VWC2L: variants seen among roughly 807,000 people sequenced by gnomAD.
The protein encoded by VWC2L is von Willebrand factor C domain-containing protein 2-like.
In VWC2L, 10 loss-of-function variants were observed where a neutral mutation model predicts 21.6. The ratio of observed to expected loss-of-function variants is 0.46; its 90% CI spans 0.29 to 0.78. The LOEUF (loss-of-function observed/expected upper bound fraction) is 0.78. Among genes scored for constraint, VWC2L ranks in the 30% least tolerant of loss-of-function variants. VWC2L has a pLI of 0.10. For missense variants in VWC2L, 209 were observed against 277.1 expected (o/e 0.75, Z 1.74); for synonymous variants, 96 against 94.3 (o/e 1.02, Z -0.10).
At chr2:214,503,160 T>G (rs1425876640) in intron 3 of VWC2L, among the ~76,000 whole-genome samples, 1 of 152,186 alleles carries the variant, frequency 6.6e-6, no homozygotes, top group East Asian at 1.9e-4. Flanking sequence ...AGCAAGAGTT[T>G]TGACCTAGAT....
At chr2:214,557,558 T>A (rs10932545) in intron 3 of VWC2L, among the ~76,000 whole-genome samples, 111,129 of 151,980 alleles carry the variant, frequency 0.73, 41,179 homozygotes, top group East Asian at 0.83. Flanking sequence ...AGTCTTCCTC[T>A]TGGGACTGTC....
rs552012065 is a variant in VWC2L, at chr2:214,531,173, G to T, written c.521-44499G>T. 2.6e-5 allele frequency among the ~76,000 whole-genome samples: 4 copies of T among 152,262 alleles called. No individual in the cohort carries two copies. In the East Asian group the frequency reaches 5.8e-4, roughly 22 times the overall value. ...TCCAACCAACATTTTTACAAATTTT[G>T]AGTTGAGTTGGGAATCACAGGAAAC... On this transcript the variant is annotated intron_variant, in intron 3 of 3. Coordinates refer to ENST00000312504, the MANE Select transcript of VWC2L (RefSeq NM_001080500.4).
chr2:214,499,024 T>C lies in VWC2L; in HGVS notation c.520+62266T>C, dbSNP rs867234852. ...TCGTACCATTCTTTTTTTTTTTTTTTTTTTTTTTTTTTTTGAGACAGAGTC... is the reference window on the plus strand; with the variant it reads ...TCGTACCATTCTTTTTTTTTTTTTTCTTTTTTTTTTTTTTGAGACAGAGTC... On this transcript the variant is annotated intron_variant, in intron 3 of 3. Transcript: ENST00000312504. 3.1e-3 allele frequency among the ~76,000 whole-genome samples: 433 copies of C among 137,706 alleles called. 4 individuals carry two copies. The highest frequency in any genetic ancestry group is 0.012 in the African/African-American group (420 of 35,878). The allele number at this position is 137,706 out of a possible 152,430, so 90.3% of individuals were successfully genotyped here. A position where few individuals can be genotyped will look rare whatever the true frequency, so the allele number is the denominator to read the frequency against.
chr2:214,553,901 T>C (rs1267598266), intron 3 of VWC2L, among the ~76,000 whole-genome samples: 1 of 152,186 alleles, frequency 6.6e-6, no homozygotes, highest in Admixed American at 6.5e-5. Flanking sequence ...ATCTCTCCAG[T>C]GCTTAAAGGT....
intron 3 of VWC2L, among the ~76,000 whole-genome samples, chr2:214,539,724 CA>C (rs770813348): frequency 1.6e-4 from 24 of 152,124 alleles, no homozygotes; most frequent in Admixed American, 7.2e-4. Flanking sequence ...AATATTTCAA[CA>C]AAGACACGAA....
At chr2:214,433,168 A>G (rs1471099901) in intron 2 of VWC2L, among the ~76,000 whole-genome samples, 1 of 145,866 alleles carries the variant, frequency 6.9e-6, no homozygotes, top group East Asian at 2.0e-4. Flanking sequence ...TGATATATAT[A>G]TATATATATA....
chr2:214,571,557 A>G (rs1339462720), intron 3 of VWC2L, among the ~76,000 whole-genome samples: 1 of 152,232 alleles, frequency 6.6e-6, no homozygotes, highest in African/African-American at 2.4e-5. Flanking sequence ...CTTCCAATAT[A>G]TAATTAGTTT....
chr2:214,535,132 G>A (rs1179505768), intron 3 of VWC2L, among the ~76,000 whole-genome samples: 1 of 152,050 alleles, frequency 6.6e-6, no homozygotes, highest in Admixed American at 6.6e-5. Flanking sequence ...ACATTTTTTA[G>A]GCTAAACAAT....
intron 2 of VWC2L, among the ~76,000 whole-genome samples, chr2:214,417,109 G>T (rs1417711078): frequency 2.6e-5 from 4 of 152,026 alleles, no homozygotes; most frequent in Non-Finnish European, 5.9e-5. Context: ...AACTCAGCTT[G>T]CAAGGAACAA....
Position 214,512,130 on chromosome 2 carries a change from A to G in VWC2L, c.521-63542A>G, listed in dbSNP as rs561732214. Among the ~76,000 whole-genome samples, 3 of 152,228 alleles carry G rather than the reference A, an allele frequency of 2.0e-5. No individual in the cohort carries two copies. In the East Asian group the frequency reaches 5.8e-4, roughly 29 times the overall value. On this transcript the variant is annotated intron_variant, in intron 3 of 3. Coordinates refer to ENST00000312504, the MANE Select transcript of VWC2L (RefSeq NM_001080500.4). ...TTGATTATGGTTTCATAGAGTGCACACAAGACTGATTAAAATAAATTTTTC... is the reference window on the plus strand; with the variant it reads ...TTGATTATGGTTTCATAGAGTGCACGCAAGACTGATTAAAATAAATTTTTC...
chr2:214,470,886 C>A lies in VWC2L; in HGVS notation c.520+34128C>A, dbSNP rs997618650. Among the ~76,000 whole-genome samples, 3 of 137,186 alleles carry A rather than the reference C, an allele frequency of 2.2e-5. No homozygotes were observed. In the South Asian group the frequency reaches 6.8e-4, roughly 31 times the overall value. The allele number at this position is 137,186 out of a possible 152,430, so 90.0% of individuals were successfully genotyped here. A position where few individuals can be genotyped will look rare whatever the true frequency, so the allele number is the denominator to read the frequency against. ...GAGCCACGATTGTGCCACTGCACTC[C>A]AGCCTGGGCAACAGAGTGAAACTCC... On this transcript the variant is annotated intron_variant, in intron 3 of 3. Coordinates refer to ENST00000312504, the MANE Select transcript of VWC2L (RefSeq NM_001080500.4).
chr2:214,467,165 T>C (rs2126191117), intron 3 of VWC2L, among the ~76,000 whole-genome samples: 1 of 152,326 alleles, frequency 6.6e-6, no homozygotes, highest in East Asian at 1.9e-4. Context: ...TTAAGTAGTA[T>C]ACCCAATACT....
At chr2:214,428,482 T>A (rs578014149) in intron 2 of VWC2L, among the ~76,000 whole-genome samples, 2 of 152,296 alleles carry the variant, frequency 1.3e-5, no homozygotes, top group East Asian at 3.9e-4. Flanking sequence ...CCCAAAGTTA[T>A]ACACTAAAGT....
At chr2:214,522,927 A>C (rs1689267531) in intron 3 of VWC2L, among the ~76,000 whole-genome samples, 1 of 152,224 alleles carries the variant, frequency 6.6e-6, no homozygotes, top group South Asian at 2.1e-4. Context: ...AAATGTCCCA[A>C]AGCTGACTCT....
chr2:214,416,753 G>A (rs1249889582), intron 2 of VWC2L, among the ~76,000 whole-genome samples: 5 of 151,954 alleles, frequency 3.3e-5, no homozygotes, highest in Non-Finnish European at 7.4e-5. Flanking sequence ...GATCCATAGT[G>A]GTATTGACCA....
In VWC2L at chr2:214,451,311, G is replaced by C. The variant is rs540444613; in HGVS notation, c.520+14553G>C. ...AGGAAGGATAAGTGGGTCGGTGTGG[G>C]GGGGGGGGGCAGTAAAAGCTGAAAT... On this transcript the variant is annotated intron_variant, in intron 3 of 3. Transcript: ENST00000312504. Among the ~76,000 whole-genome samples, 18 of 150,000 alleles carry C rather than the reference G, an allele frequency of 1.2e-4. 1 individual carries two copies. The highest frequency in any genetic ancestry group is 1.5e-4 in the Non-Finnish European group (10 of 67,342).
chr2:214,480,958 A>C (rs1436522447), intron 3 of VWC2L, among the ~76,000 whole-genome samples: 1 of 152,066 alleles, frequency 6.6e-6, no homozygotes, highest in Non-Finnish European at 1.5e-5. Context: ...CTGCTGCAAA[A>C]GATGAAGTGA....
intron 3 of VWC2L, among the ~76,000 whole-genome samples, chr2:214,497,340 T>C (rs1268597097): frequency 6.6e-6 from 1 of 152,206 alleles, no homozygotes; most frequent in East Asian, 1.9e-4. Flanking sequence ...AATTTTGTTA[T>C]GCCAGTTTAA....
chr2:214,453,317 C>A (rs934913865), intron 3 of VWC2L, among the ~76,000 whole-genome samples: 8 of 152,024 alleles, frequency 5.3e-5, no homozygotes, highest in African/African-American at 1.9e-4. Context: ...GCACCATTTG[C>A]CAAGACAACT....
Sources: allele counts gnomAD v4.1 joint callset (sites outside exome capture counted in the v4.1 genomes callset), GRCh38; gene constraint gnomAD v4.1.1; transcripts MANE v1.5; gene names NCBI Gene and HGNC (gene_info 2026-07-23, HGNC 2026-07-21).